The following TSPAN9 variants were observed in gnomAD, a reference collection of about 807,000 sequenced individuals.
TSPAN9 encodes the protein tetraspanin 9, also known as tetraspanin-9.
Under a neutral mutation model 31.0 loss-of-function variants are expected in TSPAN9, and 16 were observed. That is an observed-to-expected ratio of 0.52 (90% CI 0.35 to 0.78). The LOEUF (loss-of-function observed/expected upper bound fraction) is 0.78. TSPAN9 is among the 30% of genes least tolerant of loss of function. The pLI is 0.01. For missense variants in TSPAN9, 272 were observed against 312.5 expected (o/e 0.87, Z 0.98); for synonymous variants, 145 against 121.6 (o/e 1.19, Z -1.27).
intron 2 of TSPAN9, among the ~76,000 whole-genome samples, chr12:3,131,283 G>T (rs975777256): frequency 6.6e-5 from 10 of 152,088 alleles, no homozygotes; most frequent in African/African-American, 2.4e-4. Context: ...TAAATAGCCA[G>T]AGGTCACATG....
At chr12:3,238,522 C>G (rs1336902932) in intron 3 of TSPAN9, among the ~76,000 whole-genome samples, 1 of 152,214 alleles carries the variant, frequency 6.6e-6, no homozygotes, top group Non-Finnish European at 1.5e-5. Flanking sequence ...ATACCAAACC[C>G]TACATGGTCC....
chr12:3,101,536 C>T (rs571539736), intron 2 of TSPAN9, among the ~76,000 whole-genome samples: 1 of 152,298 alleles, frequency 6.6e-6, no homozygotes, highest in South Asian at 2.1e-4. Flanking sequence ...AGCCTACACA[C>T]ACATCCAGAA....
At chr12:3,265,929 G>A (rs1862528070) in intron 3 of TSPAN9, among the ~76,000 whole-genome samples, 1 of 152,214 alleles carries the variant, frequency 6.6e-6, no homozygotes, top group Admixed American at 6.5e-5. Context: ...GAAAATGATA[G>A]TGACTGCCCT....
chr12:3,123,290 CT>C (rs1487608361), intron 2 of TSPAN9, among the ~76,000 whole-genome samples: 4 of 152,186 alleles, frequency 2.6e-5, no homozygotes, highest in Non-Finnish European at 5.9e-5. Context: ...TCTTGGTGCC[CT>C]AGAGCCCTGT....
At chr12:3,164,865 G>A (rs1273619284) in intron 2 of TSPAN9, among the ~76,000 whole-genome samples, 1 of 152,218 alleles carries the variant, frequency 6.6e-6, no homozygotes, top group East Asian at 1.9e-4. Context: ...GAGGGTCAGA[G>A]GACCTAGCTC....
At chr12:3,144,027 CTGT>C (rs2098336042) in intron 2 of TSPAN9, among the ~76,000 whole-genome samples, 1 of 152,136 alleles carries the variant, frequency 6.6e-6, no homozygotes, top group Non-Finnish European at 1.5e-5. Flanking sequence ...ATCTGTATCT[CTGT>C]TGTTCTGTTT....
chr12:3,147,151 A>G lies in TSPAN9; in HGVS notation c.-17-54026A>G, dbSNP rs1329103785. Among the ~76,000 whole-genome samples, 1 of 152,036 alleles carries G rather than the reference A, an allele frequency of 6.6e-6. No homozygotes were observed. The highest frequency in any genetic ancestry group is 2.4e-5 in the African/African-American group (1 of 41,396). Reference sequence around the variant, plus strand: ...TATGTAGTGAGATATTTTTGAGTTTAGGGTGGAGACTGGAAGCAGGGGAGC... The same window carrying G: ...TATGTAGTGAGATATTTTTGAGTTTGGGGTGGAGACTGGAAGCAGGGGAGC... On this transcript the variant is annotated intron_variant, in intron 2 of 8. Coordinates refer to ENST00000011898, the MANE Select transcript of TSPAN9 (RefSeq NM_006675.5). This position sits in a 1 kb window ranked among gnomAD's most constrained non-coding sequence, Gnocchi z 4.3.
intron 2 of TSPAN9, among the ~76,000 whole-genome samples, chr12:3,131,564 G>T (rs2098329836): frequency 1.3e-5 from 2 of 152,160 alleles, no homozygotes; most frequent in Admixed American, 6.5e-5. Context: ...GAAAGCTTCT[G>T]GCCTGACCGT....
intron 1 of TSPAN9, among the ~76,000 whole-genome samples, chr12:3,077,657 A>C (rs2098295766): frequency 1.5e-5 from 2 of 136,370 alleles, no homozygotes; most frequent in South Asian, 2.5e-4. Context: ...CCGTGCGGGA[A>C]GCGGGCCGGG....
chr12:3,263,522 G>A (rs1158716523), intron 3 of TSPAN9, among the ~76,000 whole-genome samples: 2 of 152,184 alleles, frequency 1.3e-5, no homozygotes, highest in South Asian at 2.1e-4. Flanking sequence ...GTGTAGCAAC[G>A]CACCGGCCTG....
At position 3,240,605 on chromosome 12, in the gene TSPAN9, C is replaced by T. The variant is rs548152622; in HGVS notation, c.64-37816C>T. Among the ~76,000 whole-genome samples the T allele has an allele frequency of 4.6e-5, 7 of 152,300 alleles. No homozygotes were observed. The South Asian group carries it at 1.5e-3, about 32-fold the overall frequency. ...AGTCCTGGTCTTGTCTGTCGCTATA[C>T]TACCTCTGGGGGTGTTAAGACACAG... On this transcript the variant is annotated intron_variant, in intron 3 of 8. Coordinates refer to ENST00000011898, the MANE Select transcript of TSPAN9 (RefSeq NM_006675.5).
At chr12:3,183,360 C>A (rs991734342) in intron 2 of TSPAN9, among the ~76,000 whole-genome samples, 2 of 152,160 alleles carry the variant, frequency 1.3e-5, no homozygotes, top group African/African-American at 4.8e-5. Flanking sequence ...GGCGTGACTT[C>A]CAGTTCTTGA....
intron 2 of TSPAN9, among the ~76,000 whole-genome samples, chr12:3,088,879 G>A (rs552687706): frequency 3.9e-5 from 6 of 152,212 alleles, no homozygotes; most frequent in Admixed American, 3.9e-4. Context: ...CAGCTCAGGC[G>A]CGGGAGGCTG....
intron 2 of TSPAN9, among the ~76,000 whole-genome samples, chr12:3,159,977 A>G (rs1182536560): frequency 1.3e-5 from 2 of 152,306 alleles, no homozygotes; most frequent in Non-Finnish European, 2.9e-5. Context: ...ATACAACTCA[A>G]TGGTTTAATC....
intron 3 of TSPAN9, among the ~76,000 whole-genome samples, chr12:3,254,712 ATATAGAAAATGG>A (rs1224040481): frequency 6.6e-6 from 1 of 152,224 alleles, no homozygotes; most frequent in African/African-American, 2.4e-5. Flanking sequence ...CGCTTAACAT[ATATAGAAAATGG>A]TTTGCACATG....
intron 2 of TSPAN9, among the ~76,000 whole-genome samples, chr12:3,109,564 G>A (rs1198787294): frequency 1.3e-5 from 2 of 151,712 alleles, no homozygotes; most frequent in African/African-American, 2.4e-5. Flanking sequence ...TTGGGAGGCC[G>A]AGGAGGGTGG....
intron 1 of TSPAN9, among the ~76,000 whole-genome samples, chr12:3,077,728 T>A (rs1042304190): frequency 6.6e-6 from 1 of 152,012 alleles, no homozygotes; most frequent in African/African-American, 2.4e-5. Flanking sequence ...AGGGGATGGC[T>A]CCGAGGAAGA....
intron 2 of TSPAN9, among the ~76,000 whole-genome samples, chr12:3,162,410 AG>A (rs1331130365): frequency 6.6e-6 from 1 of 152,212 alleles, no homozygotes; most frequent in Non-Finnish European, 1.5e-5. Context: ...GGTGAAGGTC[AG>A]AACAGGAGGA....
intron 2 of TSPAN9, among the ~76,000 whole-genome samples, chr12:3,176,903 G>A (rs1376136478): frequency 1.3e-5 from 2 of 152,204 alleles, no homozygotes; most frequent in African/African-American, 2.4e-5. Flanking sequence ...TCAGCTGCGA[G>A]TGAAATGCAC....
Sources: allele counts gnomAD v4.1 joint callset (sites outside exome capture counted in the v4.1 genomes callset), GRCh38; gene constraint gnomAD v4.1.1; non-coding constraint Gnocchi (gnomAD v3.1); transcripts MANE v1.5; gene names NCBI Gene and HGNC (gene_info 2026-07-23, HGNC 2026-07-21).